Variants in RAB8B observed in about 807,000 individuals in gnomAD.
RAB8B encodes the protein RAB8B, member RAS oncogene family, also known as ras-related protein Rab-8B.
Under a neutral mutation model 32.0 loss-of-function variants are expected in RAB8B, and 11 were observed. The ratio of observed to expected loss-of-function variants is 0.34; its 90% confidence interval spans 0.22 to 0.57. The LOEUF is 0.57. Among genes scored for constraint, RAB8B ranks in the 20% least tolerant of loss-of-function variants. RAB8B has a pLI of 0.86. For missense variants in RAB8B, 190 were observed against 258.5 expected (o/e 0.73, Z 1.82); for synonymous variants, 103 against 89.6 (o/e 1.15, Z -0.85).
At chr15:63,241,033 A>G (rs2038028069) in intron 1 of RAB8B, among the ~76,000 whole-genome samples, 1 of 152,198 alleles carries the variant, frequency 6.6e-6, no homozygotes, top group Non-Finnish European at 1.5e-5. Flanking sequence ...TCTGGTATAC[A>G]TCGTCGTTTA....
intron 3 of RAB8B, among the ~76,000 whole-genome samples, chr15:63,250,526 CT>C (rs1403950007): frequency 6.6e-6 from 1 of 152,102 alleles, no homozygotes; most frequent in Non-Finnish European, 1.5e-5. Flanking sequence ...ATTTTCCTTG[CT>C]GTCATAACTT....
At chr15:63,228,454 G>A (rs2037907191) in intron 1 of RAB8B, among the ~76,000 whole-genome samples, 1 of 152,220 alleles carries the variant, frequency 6.6e-6, no homozygotes, top group Admixed American at 6.5e-5. Flanking sequence ...GGGATAGCCT[G>A]GAAAAATGAA....
intron 7 of RAB8B, among the ~76,000 whole-genome samples, chr15:63,262,978 A>AAT (rs1287890251): frequency 9.9e-5 from 15 of 152,272 alleles, no homozygotes; most frequent in African/African-American, 3.6e-4. Flanking sequence ...TTTTGATGAG[A>AAT]ATAATGAAAA....
chr15:63,228,796 G>C (rs1347557598), intron 1 of RAB8B, among the ~76,000 whole-genome samples: 2 of 152,142 alleles, frequency 1.3e-5, no homozygotes, highest in Non-Finnish European at 2.9e-5. Context: ...GCCCCTAAAA[G>C]CTTCTTTAAT....
At chr15:63,219,127 C>T (rs577254896) in intron 1 of RAB8B, among the ~76,000 whole-genome samples, 63 of 147,466 alleles carry the variant, frequency 4.3e-4, no homozygotes, top group South Asian at 4.3e-4. Context: ...GGTGAAACCC[C>T]GTCTCCACTA....
intron 1 of RAB8B, among the ~76,000 whole-genome samples, chr15:63,233,055 C>CTTTTTCT (rs2037948717): frequency 7.1e-6 from 1 of 141,516 alleles, no homozygotes; most frequent in African/African-American, 2.6e-5. Context: ...AAGTAGCATT[C>CTTTTTCT]TTTTTTTTTT....
At chr15:63,255,709 C>A in intron 4 of RAB8B, 125 bp downstream of exon 4, 2 of 678,422 alleles carry the variant, frequency 2.9e-6, no homozygotes, top group Non-Finnish European at 5.2e-6. Context: ...GGCCCTCTCT[C>A]TCTGAAGAGC....
At chr15:63,190,995 T>C (rs1274745485) in intron 1 of RAB8B, among the ~76,000 whole-genome samples, 2 of 152,254 alleles carry the variant, frequency 1.3e-5, no homozygotes, top group Non-Finnish European at 2.9e-5. Context: ...ATAAGATCTC[T>C]TAACTTATCA....
In RAB8B at chr15:63,266,965, T is replaced by A. The variant is rs1347149422; in HGVS notation, c.*3346T>A. On this transcript the variant is annotated 3_prime_UTR_variant, in exon 8 of 8. Coordinates refer to ENST00000321437, the MANE Select transcript of RAB8B (RefSeq NM_016530.3). ...ACATTTCATTATGTTGGTTAATTAT[T>A]ATAAATTTTAAGCACTCATTTCTGC... is the stretch of plus-strand genomic sequence containing the variant. 1 of 152,612 alleles carries A rather than the reference T, an allele frequency of 6.6e-6. No homozygotes were observed. The highest frequency in any genetic ancestry group is 1.5e-5 in the Non-Finnish European group (1 of 68,014). 9.5% of individuals were successfully genotyped at this position (152,612 alleles called of 1,614,324 possible).
chr15:63,196,534 G>T (rs912644531), intron 1 of RAB8B, among the ~76,000 whole-genome samples: 2 of 152,138 alleles, frequency 1.3e-5, no homozygotes, highest in Non-Finnish European at 2.9e-5. Flanking sequence ...GAGTTGCTGT[G>T]AGCTCCTTAA....
intron 1 of RAB8B, among the ~76,000 whole-genome samples, chr15:63,216,859 CAAAAAA>C (rs36022071): frequency 1.7e-5 from 1 of 59,390 alleles, no homozygotes; most frequent in Non-Finnish European, 3.6e-5. Flanking sequence ...GACTCTGTCT[CAAAAAA>C]AAAAAAAAAA....
rs192273191 is a variant in RAB8B, at chr15:63,231,520, T to G, written c.125-13236T>G. ...TTTTTGTTTTTTTTTTTAACTTCAG[T>G]TTTTGAATGTCTTCAGAGTATTCAC... On this transcript the variant is annotated intron_variant, in intron 1 of 7. Coordinates refer to ENST00000321437, the MANE Select transcript of RAB8B (RefSeq NM_016530.3). Among the ~76,000 whole-genome samples, 65 of 151,872 alleles carry G rather than the reference T, an allele frequency of 4.3e-4. 2 individuals carry two copies. The highest frequency in any genetic ancestry group is 1.4e-3 in the African/African-American group (59 of 41,396).
At chr15:63,255,427 A>G (rs932769124) in intron 3 of RAB8B, 80 bp from the exon 4 acceptor site, 20 of 903,858 alleles carry the variant, frequency 2.2e-5, no homozygotes, top group Non-Finnish European at 3.2e-5. Context: ...AGGTTTCTGG[A>G]GGGTAGGAGT....
chr15:63,211,847 T>G (rs1355689636), intron 1 of RAB8B, among the ~76,000 whole-genome samples: 1 of 152,122 alleles, frequency 6.6e-6, no homozygotes, highest in Non-Finnish European at 1.5e-5. Context: ...TTTCTTTTTT[T>G]TAGAGACAGG....
intron 1 of RAB8B, among the ~76,000 whole-genome samples, chr15:63,240,093 T>G: frequency 6.6e-6 from 1 of 151,964 alleles, no homozygotes; most frequent in Non-Finnish European, 1.5e-5. Context: ...CTCTGAGGTT[T>G]GCAGTGTCAG....
chr15:63,244,919 A>T (rs939912755), intron 2 of RAB8B, 103 bp downstream of exon 2: 11 of 980,114 alleles, frequency 1.1e-5, no homozygotes, highest in Non-Finnish European at 1.7e-5. Context: ...TAGCTAAAAC[A>T]TCTTTTCTTT....
At position 63,259,573 on chromosome 15, in the gene RAB8B, A is replaced by G. The variant is rs376278373; in HGVS notation, c.415-54A>G. 7.6e-6 allele frequency: 11 copies of G among 1,452,732 alleles called. No homozygotes were observed. In the East Asian group the frequency reaches 1.1e-4, roughly 15 times the overall value. 90.0% of individuals were successfully genotyped at this position (1,452,732 alleles called of 1,614,324 possible). On this transcript the variant is annotated intron_variant, in intron 5 of 7. Transcript: ENST00000321437. This position sits in a 1 kb window ranked among gnomAD's most constrained non-coding sequence, Gnocchi z 4.4. ...TGAAAAACCTAAGAAATACAAATGC[A>G]TTATGTGTTCAAGTATCTTTTGCTA...
intron 1 of RAB8B, among the ~76,000 whole-genome samples, chr15:63,239,573 C>T (rs1049188489): frequency 6.6e-6 from 1 of 152,052 alleles, no homozygotes; most frequent in African/African-American, 2.4e-5. Context: ...CCCACCACCA[C>T]ACCCAGCTAA....
In RAB8B at chr15:63,266,478, A is replaced by G. The variant is rs567960565; in HGVS notation, c.*2859A>G. The stretch of plus-strand genomic sequence containing the variant: ...AGAAACATTTTGTGCAGTCTTTGTT[A>G]TAAATTTTCAGAAGACTATACTCTT... On this transcript the variant is annotated 3_prime_UTR_variant, in exon 8 of 8. Coordinates refer to ENST00000321437, the MANE Select transcript of RAB8B (RefSeq NM_016530.3). 7 of 152,708 alleles carry G rather than the reference A, an allele frequency of 4.6e-5. No individual in the cohort carries two copies. The highest frequency in any genetic ancestry group is 7.2e-5 in the African/African-American group (3 of 41,584). The allele number at this position is 152,708 out of a possible 1,614,324, so 9.5% of individuals were successfully genotyped here.
Sources: gnomAD v4.1 joint callset for allele counts (sites outside exome capture counted in the v4.1 genomes callset) on GRCh38, gnomAD v4.1.1 for gene constraint, Gnocchi (gnomAD v3.1) non-coding constraint, MANE v1.5 for transcripts, NCBI Gene and HGNC (gene_info 2026-07-23, HGNC 2026-07-21) for gene names.